Variants in TYW1B observed in about 807,000 individuals in gnomAD.
The protein encoded by TYW1B is S-adenosyl-L-methionine-dependent tRNA 4-demethylwyosine synthase TYW1B.
Under a neutral mutation model 86.9 loss-of-function variants are expected in TYW1B, and 73 were observed. The ratio of observed to expected loss-of-function variants is 0.84; its 90% confidence interval spans 0.70 to 1.02. The LOEUF (loss-of-function observed/expected upper bound fraction) is 1.02, where lower values mean the gene tolerates loss of function less well. TYW1B is among the 50% of genes least tolerant of loss of function. The pLI is 0.00. For missense variants in TYW1B, 637 were observed against 827.4 expected, an observed-to-expected ratio of 0.77 and a Z score of 2.82; for synonymous variants, 248 against 292.8, an observed-to-expected ratio of 0.85 and a Z score of 1.56.
chr7:72,582,160 G>GAA (rs56223954), intron 13 of TYW1B, among the ~76,000 whole-genome samples: 20 of 134,086 alleles, frequency 1.5e-4, no homozygotes, highest in Admixed American at 6.8e-4. Flanking sequence ...ACAGAAAGGA[G>GAA]AAAAAAAAAA....
At chr7:72,767,449 CA>C (rs879966412) in intron 7 of TYW1B, among the ~76,000 whole-genome samples, 57 of 143,654 alleles carry the variant, frequency 4.0e-4, no homozygotes, top group Admixed American at 4.2e-4. Context: ...ACTAAAAATA[CA>C]AAAAAAAAAA....
intron 6 of TYW1B, among the ~76,000 whole-genome samples, chr7:72,799,446 A>G (rs1788365890): frequency 6.6e-6 from 1 of 151,134 alleles, no homozygotes; most frequent in Non-Finnish European, 1.5e-5. Context: ...TACAAGCATG[A>G]GTCACCACAT....
In TYW1B at chr7:72,628,366, G is replaced by T. The variant is rs1462038749; in HGVS notation, c.1617+521C>A. On this transcript the variant is annotated intron_variant, in intron 12 of 13. Coordinates refer to ENST00000620995, the MANE Select transcript of TYW1B (RefSeq NM_001145440.3). Reference sequence around the variant, plus strand: ...AGGAATATATGCTGAAATAATTCTGGGTAAATGATATAATTTTGGTGGTTT... The same window carrying T: ...AGGAATATATGCTGAAATAATTCTGTGTAAATGATATAATTTTGGTGGTTT... 2.0e-5 allele frequency among the ~76,000 whole-genome samples: 3 copies of T among 152,076 alleles called. No homozygotes were observed. The East Asian group carries it at 5.8e-4, about 29-fold the overall frequency.
intron 2 of TYW1B, among the ~76,000 whole-genome samples, chr7:72,820,200 A>T (rs13437694): frequency 6.6e-6 from 1 of 152,140 alleles, no homozygotes; most frequent in African/African-American, 2.4e-5. Context: ...ACTTGAACCC[A>T]GGAGGCGAAG....
intron 13 of TYW1B, among the ~76,000 whole-genome samples, chr7:72,603,313 A>G (rs1363191661): frequency 8.7e-5 from 13 of 149,130 alleles, no homozygotes. Context: ...TGATGGATGG[A>G]CAGATAGATG....
At chr7:72,616,891 A>G in intron 12 of TYW1B, 52 bp from the exon 13 acceptor site, 1 of 1,594,980 alleles carries the variant, frequency 6.3e-7, no homozygotes, top group Admixed American at 1.7e-5. Flanking sequence ...CCTGCATGTC[A>G]TAGAAGACTT....
intron 3 of TYW1B, among the ~76,000 whole-genome samples, chr7:72,811,106 C>T (rs1200184254): frequency 6.6e-6 from 1 of 151,646 alleles, no homozygotes; most frequent in Non-Finnish European, 1.5e-5. Flanking sequence ...CCGGTCTTTA[C>T]TAAAAATACA....
At chr7:72,699,808 C>G (rs538091900) in intron 10 of TYW1B, among the ~76,000 whole-genome samples, 4 of 152,022 alleles carry the variant, frequency 2.6e-5, no homozygotes, top group African/African-American at 9.7e-5. Flanking sequence ...CACCACCACA[C>G]CTGCCTAATT....
chr7:72,592,466 A>G (rs1261570648), intron 13 of TYW1B, among the ~76,000 whole-genome samples: 2 of 152,234 alleles, frequency 1.3e-5, no homozygotes, highest in African/African-American at 4.8e-5. Context: ...AACACAAAGA[A>G]GACAATATTC....
At chr7:72,754,375 T>TC (rs1264010522) in intron 7 of TYW1B, among the ~76,000 whole-genome samples, 2 of 152,044 alleles carry the variant, frequency 1.3e-5, no homozygotes, top group African/African-American at 4.8e-5. Context: ...ACTCCTGACT[T>TC]CGGGATCTGC....
intron 11 of TYW1B, 58 bp downstream of exon 11, chr7:72,694,629 T>C (rs1393607437): frequency 7.1e-7 from 1 of 1,410,190 alleles, no homozygotes; most frequent in African/African-American, 1.5e-5. Flanking sequence ...TCTTTCTTCT[T>C]AACTTCAGTA....
At chr7:72,741,759 G>A (rs373460101) in intron 8 of TYW1B, among the ~76,000 whole-genome samples, 1,849 of 152,242 alleles carry the variant, frequency 0.012, 41 homozygotes, top group African/African-American at 0.043. Context: ...CACTCATCAC[G>A]TATAAGGGAT....
At chr7:72,656,769 G>A (rs1235481545) in intron 11 of TYW1B, among the ~76,000 whole-genome samples, 1 of 152,180 alleles carries the variant, frequency 6.6e-6, no homozygotes, top group Non-Finnish European at 1.5e-5. Flanking sequence ...GGAAGGTGAA[G>A]GGGGAGCAGG....
chr7:72,635,173 A>T lies in TYW1B; in HGVS notation c.1507-6176T>A, dbSNP rs1177004094. ...CTGACTTTTGCGTGTGGTGTTGAGA[A>T]GTTAAACTTATTTAACATATGGATA... On this transcript the variant is annotated intron_variant, in intron 11 of 13. Transcript: ENST00000620995. Among the ~76,000 whole-genome samples the T allele has an allele frequency of 9.2e-5, 14 of 152,276 alleles. No homozygotes were observed. The South Asian group carries it at 1.2e-3, about 14-fold the overall frequency.
chr7:72,702,146 G>A (rs1397073187), intron 10 of TYW1B, among the ~76,000 whole-genome samples: 3 of 152,162 alleles, frequency 2.0e-5, no homozygotes, highest in Non-Finnish European at 4.4e-5. Context: ...GCAGCTTTGT[G>A]AAGCTAAACA....
chr7:72,586,810 C>G (rs1811288670), intron 13 of TYW1B, among the ~76,000 whole-genome samples: 1 of 151,876 alleles, frequency 6.6e-6, no homozygotes, highest in Non-Finnish European at 1.5e-5. Flanking sequence ...AAGAAAGGTA[C>G]TCTATCAGGC....
chr7:72,727,061 G>A (rs1379526326), intron 9 of TYW1B, among the ~76,000 whole-genome samples: 3 of 151,634 alleles, frequency 2.0e-5, no homozygotes, highest in Non-Finnish European at 4.4e-5. Context: ...CTCTCTCGAC[G>A]CATAGGGATT....
chr7:72,627,956 A>C (rs1440165216), intron 12 of TYW1B, among the ~76,000 whole-genome samples: 3 of 152,202 alleles, frequency 2.0e-5, no homozygotes, highest in African/African-American at 7.2e-5. Flanking sequence ...TTAGTTGAAA[A>C]TTTTTAGGTA....
chr7:72,596,175 GTC>G (rs1184865240), intron 13 of TYW1B, among the ~76,000 whole-genome samples: 1 of 62,216 alleles, frequency 1.6e-5, no homozygotes, highest in Admixed American at 2.5e-4. Context: ...GAAAAACTCT[GTC>G]TCAAAAAAAA....
Sources: gnomAD v4.1 joint callset for allele counts (sites outside exome capture counted in the v4.1 genomes callset) on GRCh38, gnomAD v4.1.1 for gene constraint, MANE v1.5 for transcripts, NCBI Gene and HGNC (gene_info 2026-07-23, HGNC 2026-07-21) for gene names.